Variants in TMEM45A observed in about 807,000 individuals in gnomAD.
TMEM45A encodes DNA polymerase-transactivated protein 4.
Under a neutral mutation model 32.0 loss-of-function variants are expected in TMEM45A, and 25 were observed. The ratio of observed to expected loss-of-function variants is 0.78; its 90% CI spans 0.57 to 1.09. The LOEUF is 1.09. Ranked by LOEUF, TMEM45A falls within the 50% of genes least tolerant of loss-of-function variation. The pLI is 0.00. For missense variants in TMEM45A, 302 were observed against 325.0 expected, an observed-to-expected ratio of 0.93 and a Z score of 0.54; for synonymous variants, 122 against 114.8, an observed-to-expected ratio of 1.06 and a Z score of -0.40.
chr3:100,511,343 T>C (rs1203050826), intron 1 of TMEM45A, among the ~76,000 whole-genome samples: 1 of 152,150 alleles, frequency 6.6e-6, no homozygotes, highest in Non-Finnish European at 1.5e-5. Context: ...ACAAGAATTT[T>C]CAACCCAGAA....
intron 1 of TMEM45A, among the ~76,000 whole-genome samples, chr3:100,506,578 A>G (rs1348330019): frequency 3.3e-5 from 5 of 152,142 alleles, no homozygotes; most frequent in African/African-American, 1.2e-4. Context: ...GTCTGTGTTG[A>G]TATTTATCTT....
intron 1 of TMEM45A, among the ~76,000 whole-genome samples, chr3:100,496,331 A>AGTGG: frequency 6.6e-6 from 1 of 152,192 alleles, no homozygotes; most frequent in Non-Finnish European, 1.5e-5. Flanking sequence ...TCCTCCTCAC[A>AGTGG]TCCTCCTGTG....
At chr3:100,516,280 C>G (rs1231839882) in intron 1 of TMEM45A, among the ~76,000 whole-genome samples, 2 of 152,190 alleles carry the variant, frequency 1.3e-5, no homozygotes, top group African/African-American at 4.8e-5. Context: ...ACACTGGAAA[C>G]TTGATATAAT....
chr3:100,541,524 C>CTTTTTTTTTTTTTTTTTT (rs61341173), intron 1 of TMEM45A, among the ~76,000 whole-genome samples: 1 of 111,268 alleles, frequency 9.0e-6, no homozygotes, highest in Non-Finnish European at 1.8e-5. Flanking sequence ...CTTTTCTTTC[C>CTTTTTTTTTTTTTTTTTT]TTTTTTTTTT....
chr3:100,565,799 A>C (rs974682589), intron 4 of TMEM45A, among the ~76,000 whole-genome samples: 2 of 152,188 alleles, frequency 1.3e-5, no homozygotes, highest in African/African-American at 4.8e-5. Context: ...ACATAACATT[A>C]ATATTTTTAA....
intron 1 of TMEM45A, among the ~76,000 whole-genome samples, chr3:100,546,419 T>C (rs1705981165): frequency 6.6e-6 from 1 of 152,262 alleles, no homozygotes; most frequent in Non-Finnish European, 1.5e-5. Context: ...AGCAGATCCT[T>C]AGATACAAAG....
chr3:100,530,913 A>G (rs1705634779), intron 1 of TMEM45A, among the ~76,000 whole-genome samples: 1 of 152,144 alleles, frequency 6.6e-6, no homozygotes, highest in Admixed American at 6.5e-5. Flanking sequence ...TACTGATTGC[A>G]TTCCCATGAT....
At chr3:100,511,353 A>T (rs1270325623) in intron 1 of TMEM45A, among the ~76,000 whole-genome samples, 1 of 152,124 alleles carries the variant, frequency 6.6e-6, no homozygotes, top group East Asian at 1.9e-4. Context: ...TCAACCCAGA[A>T]TTTCATATCC....
chr3:100,528,758 A>T (rs1705594143), intron 1 of TMEM45A, among the ~76,000 whole-genome samples: 1 of 152,194 alleles, frequency 6.6e-6, no homozygotes, highest in Admixed American at 6.5e-5. Flanking sequence ...TTTTTAAATC[A>T]TTTATTTAAT....
At chr3:100,501,325 G>A (rs1708005113) in intron 1 of TMEM45A, among the ~76,000 whole-genome samples, 1 of 152,220 alleles carries the variant, frequency 6.6e-6, no homozygotes, top group Admixed American at 6.5e-5. Context: ...TGCCCCTGGA[G>A]ATTCTAATTC....
At chr3:100,551,829 G>T (rs779010848) in intron 1 of TMEM45A, among the ~76,000 whole-genome samples, 2 of 152,190 alleles carry the variant, frequency 1.3e-5, no homozygotes, top group Non-Finnish European at 2.9e-5. Context: ...TGAAGACACA[G>T]GAGTTGTATA....
intron 4 of TMEM45A, among the ~76,000 whole-genome samples, chr3:100,559,252 CTG>C (rs1334926171): frequency 2.6e-5 from 4 of 152,222 alleles, no homozygotes; most frequent in African/African-American, 9.6e-5. Context: ...GCATACATAT[CTG>C]TAAACAAAGT....
rs73135412 is a variant in TMEM45A, at chr3:100,519,664, A to G, written c.-4+26736A>G. On this transcript the variant is annotated intron_variant, in intron 1 of 5. Coordinates refer to ENST00000323523, the MANE Select transcript of TMEM45A (RefSeq NM_018004.3). Reference sequence around the variant, plus strand: ...GTGTGATAATGTGAAAAGAGCAAGAACTTTTGATTCATAAAGACCTAGTTT... The same window carrying G: ...GTGTGATAATGTGAAAAGAGCAAGAGCTTTTGATTCATAAAGACCTAGTTT... 4.0e-3 allele frequency: 6,080 copies of G among 1,506,992 alleles called. 18 individuals carry two copies. The highest frequency in any genetic ancestry group is 4.9e-3 in the Non-Finnish European group (5,416 of 1,107,762). 93.4% of individuals were successfully genotyped at this position (1,506,992 alleles called of 1,614,324 possible).
Position 100,558,531 on chromosome 3 carries a change from T to G in TMEM45A, c.530T>G (p.Val177Gly). ...AFLEFLVRNNVLLELLRSSLI... is the reference protein window; with the variant it reads ...AFLEFLVRNNGLLELLRSSLI... Reference sequence around the variant, plus strand: ...CTAGAGTTCCTTGTTCGGAACAATGTACTTCTGGAGCTATTGCGGTCAAGT... The same window carrying G: ...CTAGAGTTCCTTGTTCGGAACAATGGACTTCTGGAGCTATTGCGGTCAAGT... The change falls in exon 4 of 6, where the codon GTA becomes GGA. Residue 177 changes from valine to glycine, a missense_variant. Physicochemically the swap from Val to Gly is moderately radical, Grantham distance 109. Transcript: ENST00000323523. 6.2e-7 allele frequency: 1 copy of G among 1,614,186 alleles called. No individual in the cohort carries two copies. The highest frequency in any genetic ancestry group is 8.5e-7 in the Non-Finnish European group (1 of 1,179,998).
At chr3:100,535,182 G>A (rs542456900) in intron 1 of TMEM45A, among the ~76,000 whole-genome samples, 3 of 151,656 alleles carry the variant, frequency 2.0e-5, no homozygotes, top group South Asian at 2.1e-4. Context: ...GTACAGTGGT[G>A]CAATCTCGGT....
rs1248421341 is a variant in TMEM45A, at chr3:100,556,922, T to C, written c.353T>C (p.Leu118Pro). 4 of 1,614,218 alleles carry C rather than the reference T, an allele frequency of 2.5e-6. No individual in the cohort carries two copies. The Admixed American group carries it at 6.7e-5, about 27-fold the overall frequency. The change falls in exon 3 of 6, where the codon CTT becomes CCT. Residue 118 changes from leucine to proline, a missense_variant. Physicochemically the swap from Leu to Pro is moderately conservative, Grantham distance 98. Coordinates refer to ENST00000323523, the MANE Select transcript of TMEM45A (RefSeq NM_018004.3). ...ATCTTATGTTTCACCATCAGTTCAC[T>C]TCCTGTGTCCTTAACCAAGTTAATG... Reference protein sequence around the residue: ...ADILCFTISSLPVSLTKLMLS... With the variant: ...ADILCFTISSPPVSLTKLMLS...
intron 3 of TMEM45A, 80 bp downstream of exon 3, chr3:100,557,052 GC>G: frequency 7.0e-7 from 1 of 1,423,000 alleles, no homozygotes; most frequent in Non-Finnish European, 9.8e-7. Flanking sequence ...TATACCTCTG[GC>G]ATCTTGTTGC....
At chr3:100,566,825 T>C (rs1307351083) in intron 4 of TMEM45A, among the ~76,000 whole-genome samples, 5 of 152,164 alleles carry the variant, frequency 3.3e-5, no homozygotes, top group African/African-American at 1.2e-4. Context: ...TGAAGTCCTT[T>C]GCCCATTAAA....
At chr3:100,550,781 T>A (rs1444219792) in intron 1 of TMEM45A, among the ~76,000 whole-genome samples, 1 of 152,178 alleles carries the variant, frequency 6.6e-6, no homozygotes, top group Non-Finnish European at 1.5e-5. Context: ...AATGTTTCCC[T>A]TCTGCATGGT....
Sources: gnomAD v4.1 joint callset for allele counts (sites outside exome capture counted in the v4.1 genomes callset) on GRCh38, gnomAD v4.1.1 for gene constraint, MANE v1.5 for transcripts, NCBI Gene and HGNC (gene_info 2026-07-23, HGNC 2026-07-21) for gene names.